The following PKNOX2 variants were observed in gnomAD, a reference collection of about 807,000 sequenced individuals.
PKNOX2 encodes the protein PBX/knotted 1 homeobox 2, also known as homeobox protein PKNOX2.
A neutral mutation model predicts 53.1 loss-of-function variants in PKNOX2; 14 were observed. That is an observed-to-expected ratio of 0.26 (90% CI 0.17 to 0.41). The LOEUF (loss-of-function observed/expected upper bound fraction) is 0.41, where lower values mean the gene tolerates loss of function less well. Ranked by LOEUF, PKNOX2 falls within the 10% of genes least tolerant of loss-of-function variation. The pLI is 1.00. For synonymous variants in PKNOX2, 257 were observed against 242.8 expected (o/e 1.06, Z -0.54); for missense variants, 496 against 602.8 (o/e 0.82, Z 1.85).
chr11:125,239,193 T>C (rs191398287), intron 2 of PKNOX2, among the ~76,000 whole-genome samples: 1 of 152,342 alleles, frequency 6.6e-6, no homozygotes, highest in East Asian at 1.9e-4. Context: ...AGTTCACTCA[T>C]AAACTATTGA....
chr11:125,223,993 G>A (rs1941451388), intron 1 of PKNOX2, among the ~76,000 whole-genome samples: 2 of 152,216 alleles, frequency 1.3e-5, no homozygotes, highest in African/African-American at 4.8e-5. Context: ...CTTGTTACTG[G>A]CGATCTTGCA....
chr11:125,225,048 G>A (rs968843960), intron 1 of PKNOX2, among the ~76,000 whole-genome samples: 3 of 152,172 alleles, frequency 2.0e-5, no homozygotes, highest in Admixed American at 2.0e-4. Context: ...GCCAATGACT[G>A]TTAGCTTGGC....
chr11:125,355,966 C>T (rs149987457), intron 4 of PKNOX2, among the ~76,000 whole-genome samples: 22 of 152,028 alleles, frequency 1.4e-4, no homozygotes, highest in Non-Finnish European at 2.2e-4. Flanking sequence ...TCCGGGTTCA[C>T]TAGCAAAGGC....
intron 1 of PKNOX2, among the ~76,000 whole-genome samples, chr11:125,181,228 G>C (rs1591471567): frequency 6.6e-6 from 1 of 152,334 alleles, no homozygotes; most frequent in African/African-American, 2.4e-5. Context: ...AGTAAGAGGA[G>C]AAGCCAGGAT....
intron 2 of PKNOX2, among the ~76,000 whole-genome samples, chr11:125,308,523 G>T (rs150260042): frequency 1.3e-5 from 2 of 152,162 alleles, no homozygotes; most frequent in Non-Finnish European, 2.9e-5. Flanking sequence ...GCAGCTCCCC[G>T]GAATGCAGGG....
chr11:125,194,546 C>T (rs949714386), intron 1 of PKNOX2, among the ~76,000 whole-genome samples: 4 of 152,170 alleles, frequency 2.6e-5, no homozygotes, highest in Non-Finnish European at 4.4e-5. Context: ...CCCTCCTGCC[C>T]CCGAGTTGGG....
intron 2 of PKNOX2, among the ~76,000 whole-genome samples, chr11:125,300,703 T>C (rs891106986): frequency 1.3e-5 from 2 of 151,852 alleles, no homozygotes; most frequent in Admixed American, 1.3e-4. Context: ...GAGGGAAAGT[T>C]GAAAATACCT....
intron 2 of PKNOX2, among the ~76,000 whole-genome samples, chr11:125,287,069 C>A (rs912270700): frequency 1.3e-5 from 2 of 152,206 alleles, no homozygotes; most frequent in African/African-American, 4.8e-5. Flanking sequence ...TTGTCTCTGA[C>A]CTTTCTCTTT....
rs111888633 is a variant in PKNOX2, at chr11:125,344,406, T to G, written c.-22-6878T>G. ...GGTTGGATGGGAAGGGTCTCTGGGT[T>G]TTCTGGTCTCACAGAAGGCTCTTAC... On this transcript the variant is annotated intron_variant, in intron 3 of 12. Transcript: ENST00000298282. Among the ~76,000 whole-genome samples the G allele has an allele frequency of 2.6e-3, 391 of 152,272 alleles. 2 individuals are homozygous for G. The highest frequency in any genetic ancestry group is 0.024 in the South Asian group (116 of 4,820).
intron 6 of PKNOX2, among the ~76,000 whole-genome samples, chr11:125,395,955 T>A (rs1312580348): frequency 7.4e-6 from 1 of 134,642 alleles, no homozygotes; most frequent in African/African-American, 3.1e-5. Flanking sequence ...TGGATCATCT[T>A]TTTTTTTTTT....
chr11:125,220,284 A>G (rs1335462853), intron 1 of PKNOX2, among the ~76,000 whole-genome samples: 2 of 152,216 alleles, frequency 1.3e-5, no homozygotes, highest in African/African-American at 2.4e-5. Context: ...GCCATGTTCC[A>G]TATTACCTTT....
chr11:125,297,628 C>T (rs1947742388), intron 2 of PKNOX2, among the ~76,000 whole-genome samples: 1 of 152,198 alleles, frequency 6.6e-6, no homozygotes, highest in Non-Finnish European at 1.5e-5. Flanking sequence ...AGCTCTCGTA[C>T]CTGGTGTATG....
intron 2 of PKNOX2, among the ~76,000 whole-genome samples, chr11:125,262,221 G>A (rs571304254): frequency 6.6e-6 from 1 of 152,104 alleles, no homozygotes; most frequent in Non-Finnish European, 1.5e-5. Context: ...GGCGGCGGTG[G>A]GGGGGTGGTT....
chr11:125,420,847 AG>A (rs1022844931), intron 10 of PKNOX2, among the ~76,000 whole-genome samples: 7 of 152,140 alleles, frequency 4.6e-5, no homozygotes, highest in African/African-American at 1.7e-4. Context: ...GGGCACAAAA[AG>A]GAGACGCTGA....
At chr11:125,388,593 C>T (rs1295167216) in intron 6 of PKNOX2, among the ~76,000 whole-genome samples, 1 of 152,270 alleles carries the variant, frequency 6.6e-6, no homozygotes, top group African/African-American at 2.4e-5. Flanking sequence ...CTCTCTCCCC[C>T]AGGGTCCTCA....
At chr11:125,336,165 G>T (rs1950424117) in intron 3 of PKNOX2, among the ~76,000 whole-genome samples, 1 of 152,048 alleles carries the variant, frequency 6.6e-6, no homozygotes, top group Non-Finnish European at 1.5e-5. Flanking sequence ...TAAATTAGAA[G>T]TATGTGTGAG....
Position 125,411,771 on chromosome 11 carries a change from TG to T in PKNOX2, c.844del (p.Asp282ThrfsTer21). On this transcript the variant is annotated frameshift_variant, in exon 10 of 13. Coordinates refer to ENST00000298282, the MANE Select transcript of PKNOX2 (RefSeq NM_001382323.2). LOFTEE classifies it high-confidence loss of function. ...TQVNLDLTSL[L>X]DNEDKKSKNK... The stretch of plus-strand genomic sequence containing the variant: ...GTTAACCTTGACCTCACCTCCCTCC[TG>T]GACAATGAGGATAAGAAGTCCAAGA... The T allele has an allele frequency of 6.2e-7, 1 of 1,614,162 alleles. No homozygotes were observed. The highest frequency in any genetic ancestry group is 1.1e-5 in the South Asian group (1 of 91,078).
chr11:125,377,881 C>G (rs181491036), intron 5 of PKNOX2, among the ~76,000 whole-genome samples: 5 of 152,194 alleles, frequency 3.3e-5, no homozygotes, highest in Non-Finnish European at 7.3e-5. Context: ...ACCCATGGGC[C>G]GCGGGCTGGA....
At chr11:125,397,803 G>C (rs2060356231) in intron 6 of PKNOX2, 71 bp from the exon 7 acceptor site, 1 of 1,485,358 alleles carries the variant, frequency 6.7e-7, no homozygotes, top group South Asian at 1.3e-5. Flanking sequence ...GGGGTGGTGG[G>C]GGCTGGGGGT....
Sources: allele counts gnomAD v4.1 joint callset (sites outside exome capture counted in the v4.1 genomes callset), GRCh38; gene constraint gnomAD v4.1.1; transcripts MANE v1.5; gene names NCBI Gene and HGNC (gene_info 2026-07-23, HGNC 2026-07-21).